HRH1: variants seen among roughly 807,000 people sequenced by gnomAD.
HRH1 encodes the protein histamine H1 receptor.
Under a neutral mutation model 10.3 loss-of-function variants are expected in HRH1, and 6 were observed. That is an observed-to-expected ratio of 0.58 (90% CI 0.32 to 1.15). HRH1 has a LOEUF of 1.15. Among genes scored for constraint, HRH1 ranks in the 50% most tolerant of loss-of-function variants. The pLI, the probability that HRH1 is intolerant of heterozygous loss-of-function variation, is 0.05. For synonymous variants in HRH1, 242 were observed against 236.7 expected (o/e 1.02, Z -0.21); for missense variants, 514 against 615.3 (o/e 0.84, Z 1.74).
intron 1 of HRH1, among the ~76,000 whole-genome samples, chr3:11,255,201 C>G (rs528196729): frequency 6.6e-6 from 1 of 152,114 alleles, no homozygotes; most frequent in Non-Finnish European, 1.5e-5. Flanking sequence ...GCTGAGATCA[C>G]GCCATTGCAC....
chr3:11,243,950 C>T (rs1191904925), intron 1 of HRH1, among the ~76,000 whole-genome samples: 1 of 152,142 alleles, frequency 6.6e-6, no homozygotes, highest in Non-Finnish European at 1.5e-5. Flanking sequence ...GCTAATTTAT[C>T]AACTCTTTGA....
intron 1 of HRH1, among the ~76,000 whole-genome samples, chr3:11,218,802 C>T (rs1938600498): frequency 6.6e-6 from 1 of 152,238 alleles, no homozygotes; most frequent in Non-Finnish European, 1.5e-5. Context: ...TCTCAAACTC[C>T]TGACCTCAGG....
intron 1 of HRH1, among the ~76,000 whole-genome samples, chr3:11,246,767 G>A (rs1027871354): frequency 2.6e-5 from 4 of 152,070 alleles, no homozygotes; most frequent in African/African-American, 9.7e-5. Flanking sequence ...ATCATGGCTG[G>A]GCACGGTGAC....
At chr3:11,210,950 C>T (rs1938307852) in intron 1 of HRH1, among the ~76,000 whole-genome samples, 1 of 152,102 alleles carries the variant, frequency 6.6e-6, no homozygotes. Context: ...TTGATTGATT[C>T]ATTCAGCAAC....
intron 1 of HRH1, among the ~76,000 whole-genome samples, chr3:11,231,460 A>G (rs1939039130): frequency 6.6e-6 from 1 of 152,256 alleles, no homozygotes; most frequent in Admixed American, 6.5e-5. Flanking sequence ...TCAGAAATGT[A>G]TGAGTGACAC....
chr3:11,250,034 CTTTTTTTTTTT>C lies in HRH1; in HGVS notation c.-35-8953_-35-8943del, dbSNP rs71055856. On this transcript the variant is annotated intron_variant, in intron 1 of 1. Transcript: ENST00000431010. ...AGGAAGAGGCAGATTAAGCTTTTCT[CTTTTTTTTTTT>C]TTTTTTTTTTTTTTTGAGACGGAGT... is the stretch of plus-strand genomic sequence containing the variant. Among the ~76,000 whole-genome samples the C allele has an allele frequency of 4.1e-4, 25 of 60,764 alleles. 1 individual carries two copies. The highest frequency in any genetic ancestry group is 6.5e-4 in the Non-Finnish European group (22 of 33,800). The allele number at this position is 60,764 out of a possible 152,430, so 39.9% of individuals were successfully genotyped here. A position where few individuals can be genotyped will look rare whatever the true frequency, so the allele number is the denominator to read the frequency against.
chr3:11,173,596 G>A (rs1231345023), intron 1 of HRH1, among the ~76,000 whole-genome samples: 1 of 151,434 alleles, frequency 6.6e-6, no homozygotes, highest in Non-Finnish European at 1.5e-5. Flanking sequence ...TTTATTATTA[G>A]ATTATCCTTT....
intron 1 of HRH1, among the ~76,000 whole-genome samples, chr3:11,214,797 A>T (rs1575018069): frequency 1.3e-5 from 2 of 152,220 alleles, no homozygotes; most frequent in African/African-American, 4.8e-5. Context: ...ATGACATGTC[A>T]TCCCCAGTTG....
chr3:11,229,003 A>G (rs1306732035), intron 1 of HRH1, among the ~76,000 whole-genome samples: 2 of 152,162 alleles, frequency 1.3e-5, no homozygotes, highest in Admixed American at 6.6e-5. Flanking sequence ...ATGCTTAGAT[A>G]TGGCTAAGGG....
intron 1 of HRH1, among the ~76,000 whole-genome samples, chr3:11,140,497 G>A (rs369771460): frequency 2.6e-5 from 4 of 151,674 alleles, no homozygotes; most frequent in Admixed American, 6.6e-5. Context: ...CTTTGCCCTC[G>A]TACACCCTGG....
At chr3:11,249,866 C>T (rs1464702409) in intron 1 of HRH1, among the ~76,000 whole-genome samples, 1 of 152,036 alleles carries the variant, frequency 6.6e-6, no homozygotes, top group Non-Finnish European at 1.5e-5. Context: ...GACAAAGATA[C>T]TTTTCTGAAG....
At chr3:11,195,690 C>G (rs779811705) in intron 1 of HRH1, among the ~76,000 whole-genome samples, 1 of 152,202 alleles carries the variant, frequency 6.6e-6, no homozygotes, top group Non-Finnish European at 1.5e-5. Flanking sequence ...TTGCCAGGGA[C>G]ATAAACCACC....
At chr3:11,205,293 T>G (rs920520683) in intron 1 of HRH1, among the ~76,000 whole-genome samples, 1 of 150,408 alleles carries the variant, frequency 6.6e-6, no homozygotes, top group African/African-American at 2.5e-5. Context: ...TGTGTGTAGA[T>G]CATCCAGCTC....
At chr3:11,226,422 G>C (rs1188148507) in intron 1 of HRH1, 1 of 152,260 alleles carries the variant, frequency 6.6e-6, no homozygotes, top group Non-Finnish European at 1.5e-5. Flanking sequence ...TTGAGAGAGA[G>C]AGCAGGAAGA....
intron 1 of HRH1, among the ~76,000 whole-genome samples, chr3:11,242,560 C>T (rs553757110): frequency 2.7e-5 from 4 of 150,290 alleles, no homozygotes; most frequent in Non-Finnish European, 5.9e-5. Context: ...AAGTCAGCGA[C>T]ACCAGGAACC....
chr3:11,201,657 G>A (rs983236291), intron 1 of HRH1, among the ~76,000 whole-genome samples: 6 of 152,312 alleles, frequency 3.9e-5, no homozygotes, highest in South Asian at 2.1e-4. Context: ...TAGACTAGTC[G>A]GAGAAGGGCT....
intron 1 of HRH1, among the ~76,000 whole-genome samples, chr3:11,181,951 A>G (rs2125017414): frequency 6.7e-6 from 1 of 149,520 alleles, no homozygotes; most frequent in South Asian, 2.1e-4. Context: ...TTTTTAAATT[A>G]ATTTGTCTTT....
chr3:11,155,137 C>T (rs968116141), intron 1 of HRH1, among the ~76,000 whole-genome samples: 1 of 152,064 alleles, frequency 6.6e-6, no homozygotes, highest in African/African-American at 2.4e-5. Context: ...CTGAGGTAAG[C>T]CCCAGGCTCA....
In HRH1 at chr3:11,248,966, A is replaced by G. The variant is rs749234810; in HGVS notation, c.-35-10037A>G. ...CGCTTTTATTTAGCTTGCGGATGGA[A>G]TATTTAATCCCTTCCAACCAGGCAT... On this transcript the variant is annotated intron_variant, in intron 1 of 1. Coordinates refer to ENST00000431010, the MANE Select transcript of HRH1 (RefSeq NM_001098212.2). Among the ~76,000 whole-genome samples the G allele has an allele frequency of 1.3e-5, 2 of 152,226 alleles. 1 individual carries two copies. The highest frequency in any genetic ancestry group is 2.9e-5 in the Non-Finnish European group (2 of 68,040).
Sources: allele counts gnomAD v4.1 joint callset (sites outside exome capture counted in the v4.1 genomes callset), GRCh38; gene constraint gnomAD v4.1.1; transcripts MANE v1.5; gene names NCBI Gene and HGNC (gene_info 2026-07-23, HGNC 2026-07-21).